Variants in DDX60 observed in about 807,000 individuals in gnomAD.
The protein encoded by DDX60 is probable ATP-dependent RNA helicase DDX60.
A neutral mutation model predicts 212.8 loss-of-function variants in DDX60; 165 were observed. The ratio of observed to expected loss-of-function variants is 0.78; its 90% confidence interval spans 0.68 to 0.88. The LOEUF (loss-of-function observed/expected upper bound fraction) is 0.88, where lower values mean the gene tolerates loss of function less well. DDX60 is among the 40% of genes least tolerant of loss of function. DDX60 has a pLI of 0.00. For synonymous variants in DDX60, 703 were observed against 685.3 expected, an observed-to-expected ratio of 1.03 and a Z score of -0.40; for missense variants, 1,905 against 2,003.9, an observed-to-expected ratio of 0.95 and a Z score of 0.94.
rs1280896941 is a variant in DDX60 at position 168,292,028 on chromosome 4, T to TCTTC, written c.883-123_883-122insGAAG. The stretch of plus-strand genomic sequence containing the variant: ...GTTCAGGAATCATGAATTATTCCTT[T>TCTTC]CTTTCTTTCTTTCTTTCTTTCTTTT... On this transcript the variant is annotated intron_variant, in intron 7 of 37. Transcript: ENST00000393743. The TCTTC allele has an allele frequency of 1.4e-5, 6 of 434,726 alleles. No individual in the cohort carries two copies. In the African/African-American group the frequency reaches 1.7e-4, roughly 13 times the overall value. The allele number at this position is 434,726 out of a possible 1,614,324, so 26.9% of individuals were successfully genotyped here. A position where few individuals can be genotyped will look rare whatever the true frequency, so the allele number is the denominator to read the frequency against.
At chr4:168,291,617 G>T (rs749834727) in intron 8 of DDX60, 131 bp downstream of exon 8, 30 of 628,992 alleles carry the variant, frequency 4.8e-5, no homozygotes, top group Non-Finnish European at 7.4e-5. Context: ...AGTGACTGAT[G>T]TAGCCCATTA....
chr4:168,260,462 T>A (rs1734581725), intron 25 of DDX60, among the ~76,000 whole-genome samples: 1 of 152,154 alleles, frequency 6.6e-6, no homozygotes, highest in Non-Finnish European at 1.5e-5. Context: ...CCCCTCACCT[T>A]AAAGCAGCAG....
At chr4:168,310,304 A>G (rs1737073256) in intron 3 of DDX60, among the ~76,000 whole-genome samples, 1 of 152,170 alleles carries the variant, frequency 6.6e-6, no homozygotes, top group African/African-American at 2.4e-5. Context: ...AGAATTGTCA[A>G]TGCTATGGAA....
upstream of DDX60, among the ~76,000 whole-genome samples, chr4:168,322,864 G>A (rs1048986809): frequency 6.6e-6 from 1 of 152,230 alleles, no homozygotes; most frequent in Non-Finnish European, 1.5e-5. Context: ...GGGAACCAGG[G>A]TCTGCAATTA....
rs1579049155 is a variant in DDX60 at position 168,284,881 on chromosome 4, C to G, written c.1500G>C (p.Val500=). The G allele has an allele frequency of 1.3e-6, 2 of 1,598,204 alleles. No homozygotes were observed. The highest frequency in any genetic ancestry group is 2.2e-5 in the East Asian group (1 of 44,682). ...LVKQKEFDEL[V]HWHSHKPLSD... The stretch of plus-strand genomic sequence containing the variant: ...TCAGGGGTTTATGAGAATGCCAGTG[C>G]ACAAGTTCATCAAATTCCTTTTGTT... Residue 500 remains valine, a synonymous_variant, in exon 12 of 38, where the codon GTG becomes GTC. Coordinates refer to ENST00000393743, the MANE Select transcript of DDX60 (RefSeq NM_017631.6).
intron 10 of DDX60, 27 bp from the exon 11 acceptor site, chr4:168,285,525 A>G: frequency 7.0e-7 from 1 of 1,433,694 alleles, no homozygotes; most frequent in Non-Finnish European, 9.7e-7. Context: ...AAAAATTGAG[A>G]CAAGGTCAAA....
intron 6 of DDX60, among the ~76,000 whole-genome samples, chr4:168,301,571 C>G (rs1261964683): frequency 6.6e-6 from 1 of 151,860 alleles, no homozygotes. Flanking sequence ...ATATATTTAT[C>G]CATACTGACA....
upstream of DDX60, among the ~76,000 whole-genome samples, chr4:168,319,994 C>T (rs1055240248): frequency 1.2e-4 from 19 of 152,078 alleles, no homozygotes; most frequent in Admixed American, 9.8e-4. Flanking sequence ...TAGAAATTCA[C>T]GTGTTTGTTA....
At chr4:168,269,066 T>C (rs1277739688) in intron 19 of DDX60, 97 bp from the exon 20 acceptor site, 2 of 607,460 alleles carry the variant, frequency 3.3e-6, no homozygotes, top group African/African-American at 3.7e-5. Flanking sequence ...CATGCATGCC[T>C]TCCCATCGCC....
In DDX60 at chr4:168,293,934, A is replaced by C; in HGVS notation, c.735T>G (p.Thr245=). ...GCCAGACTTGTGTAAGCAGAGATACAGTCTTGTGTGCCTGTCAAAGAAAAA... is the reference window on the plus strand; with the variant it reads ...GCCAGACTTGTGTAAGCAGAGATACCGTCTTGTGTGCCTGTCAAAGAAAAA... ...WNNITEEAHK[T]VSLLTQVWPE... is the part of the protein sequence containing the mutation. The change falls in exon 7 of 38, where the codon ACT becomes ACG. Residue 245 remains threonine (T), a synonymous_variant. Coordinates refer to ENST00000393743, the MANE Select transcript of DDX60 (RefSeq NM_017631.6). 1 of 1,604,696 alleles carries C rather than the reference A, an allele frequency of 6.2e-7. No individual in the cohort carries two copies. Among genetic ancestry groups the C allele is most frequent in the Non-Finnish European group, 8.5e-7 (1 of 1,177,790 alleles).
At chr4:168,238,872 G>C (rs554587821) in intron 30 of DDX60, among the ~76,000 whole-genome samples, 2 of 152,240 alleles carry the variant, frequency 1.3e-5, no homozygotes, top group East Asian at 3.9e-4. Flanking sequence ...TTTCAGTCCA[G>C]AAAACTACAT....
chr4:168,286,521 T>C (rs1210089750), intron 10 of DDX60, among the ~76,000 whole-genome samples: 1 of 151,678 alleles, frequency 6.6e-6, no homozygotes, highest in East Asian at 1.9e-4. Flanking sequence ...GAATGTCTGG[T>C]TCATGATTCC....
intron 25 of DDX60, 22 bp downstream of exon 25, chr4:168,260,843 C>A: frequency 1.3e-6 from 2 of 1,590,660 alleles, no homozygotes; most frequent in South Asian, 2.2e-5. Context: ...CAAGCAAAAC[C>A]AAATTAAATT....
chr4:168,268,810 C>CAT, intron 20 of DDX60, 44 bp downstream of exon 20: 2 of 1,093,200 alleles, frequency 1.8e-6, no homozygotes, highest in Non-Finnish European at 2.6e-6. Flanking sequence ...TTCAAATATT[C>CAT]AAAATAGATA....
chr4:168,250,577 G>A (rs1734182403), intron 28 of DDX60, among the ~76,000 whole-genome samples: 2 of 149,942 alleles, frequency 1.3e-5, no homozygotes, highest in African/African-American at 4.9e-5. Flanking sequence ...CCAGGCTAGA[G>A]TGTGATGGCA....
intron 1 of DDX60, among the ~76,000 whole-genome samples, chr4:168,313,404 G>T (rs1196769348): frequency 6.6e-6 from 1 of 152,154 alleles, no homozygotes; most frequent in Non-Finnish European, 1.5e-5. Flanking sequence ...GATGACATTG[G>T]AAAGGTAGGT....
intron 7 of DDX60, among the ~76,000 whole-genome samples, chr4:168,293,184 T>C (rs769220197): frequency 1.3e-5 from 2 of 152,150 alleles, no homozygotes; most frequent in Non-Finnish European, 2.9e-5. Context: ...GAAAACAGAC[T>C]GGCCAACAGA....
intron 25 of DDX60, among the ~76,000 whole-genome samples, chr4:168,258,747 A>G (rs1333746400): frequency 6.6e-6 from 1 of 152,218 alleles, no homozygotes; most frequent in Non-Finnish European, 1.5e-5. Flanking sequence ...ACTCTGGCAT[A>G]TTAACTATTT....
intron 26 of DDX60, among the ~76,000 whole-genome samples, chr4:168,255,416 A>G (rs977773212): frequency 1.3e-5 from 2 of 152,122 alleles, no homozygotes; most frequent in African/African-American, 4.8e-5. Flanking sequence ...TGTATCAAAG[A>G]TGTGCTTATT....
Sources: gnomAD v4.1 joint callset for allele counts (sites outside exome capture counted in the v4.1 genomes callset) on GRCh38, gnomAD v4.1.1 for gene constraint, MANE v1.5 for transcripts, NCBI Gene and HGNC (gene_info 2026-07-23, HGNC 2026-07-21) for gene names.